DAAM1: variants seen among roughly 807,000 people sequenced by gnomAD.
The protein encoded by DAAM1 is disheveled-associated activator of morphogenesis 1.
Under a neutral mutation model 130.0 loss-of-function variants are expected in DAAM1, and 52 were observed. That is an observed-to-expected ratio of 0.40 (90% CI 0.32 to 0.50). The LOEUF is 0.50. DAAM1 is among the 20% of genes least tolerant of loss of function. The pLI, the probability that DAAM1 is intolerant of heterozygous loss-of-function variation, is 0.61. For missense variants in DAAM1, 1,134 were observed against 1,303.8 expected (o/e 0.87, Z 2.01); for synonymous variants, 452 against 444.5 (o/e 1.02, Z -0.21).
intron 1 of DAAM1, among the ~76,000 whole-genome samples, chr14:59,207,456 C>G (rs1406056694): frequency 6.6e-6 from 1 of 152,140 alleles, no homozygotes; most frequent in Non-Finnish European, 1.5e-5. Flanking sequence ...AGAGATTTTA[C>G]TGTGTAATAT....
rs201882818 is a variant in DAAM1, at chr14:59,326,090, G to T, written c.1174+13G>T. ...CTCCAAATGCCTTGTAAGTGTGTTC[G>T]TGACTCACATGTGTGCTTCTGAATG... is the stretch of plus-strand genomic sequence containing the variant. On this transcript the variant is annotated intron_variant, in intron 10 of 24. Transcript: ENST00000360909. The T allele has an allele frequency of 3.6e-4, 571 of 1,607,562 alleles. 1 individual carries two copies. The highest frequency in any genetic ancestry group is 4.6e-4 in the Non-Finnish European group (541 of 1,174,156).
chr14:59,193,910 T>C (rs908847211), intron 1 of DAAM1, among the ~76,000 whole-genome samples: 3 of 152,306 alleles, frequency 2.0e-5, no homozygotes, highest in East Asian at 1.9e-4. Context: ...GATACCGATA[T>C]TGTATGTGAG....
chr14:59,277,908 C>T (rs376731170), intron 2 of DAAM1, among the ~76,000 whole-genome samples: 52 of 152,208 alleles, frequency 3.4e-4, no homozygotes, highest in African/African-American at 1.1e-3. Flanking sequence ...GGGGATATGG[C>T]CCATCTAAAA....
intron 1 of DAAM1, among the ~76,000 whole-genome samples, chr14:59,262,658 G>A (rs1882226006): frequency 5.3e-5 from 2 of 38,030 alleles, no homozygotes; most frequent in South Asian, 1.4e-3. Context: ...CTATTAGTGT[G>A]TGTGTGTGTG....
At chr14:59,368,628 G>A in intron 24 of DAAM1, 22 bp from the exon 25 acceptor site, 1 of 1,604,344 alleles carries the variant, frequency 6.2e-7, no homozygotes, top group African/African-American at 1.3e-5. Flanking sequence ...GTCTCAAAGA[G>A]GTTATTTCTT....
chr14:59,284,128 C>G (rs1883342470), intron 2 of DAAM1, among the ~76,000 whole-genome samples: 1 of 152,072 alleles, frequency 6.6e-6, no homozygotes, highest in Non-Finnish European at 1.5e-5. Context: ...AGAACCACTT[C>G]TTTAGGAGAA....
intron 20 of DAAM1, among the ~76,000 whole-genome samples, chr14:59,355,725 C>T (rs1322788685): frequency 6.6e-6 from 1 of 152,128 alleles, no homozygotes; most frequent in Non-Finnish European, 1.5e-5. Flanking sequence ...AACACACCTG[C>T]ATAACCAGCG....
intron 2 of DAAM1, among the ~76,000 whole-genome samples, chr14:59,282,106 G>C (rs965590): frequency 0.23 from 34,824 of 151,924 alleles, 4,815 homozygotes; most frequent in African/African-American, 0.38. Flanking sequence ...ATTTCCTGGG[G>C]AAAGCCTTCA....
chr14:59,367,800 A>G (rs1057150936), intron 24 of DAAM1, among the ~76,000 whole-genome samples: 1 of 152,096 alleles, frequency 6.6e-6, no homozygotes, highest in African/African-American at 2.4e-5. Flanking sequence ...AAAAAAATCT[A>G]TCCACATCCT....
intron 1 of DAAM1, among the ~76,000 whole-genome samples, chr14:59,205,557 A>T (rs1888232135): frequency 6.6e-6 from 1 of 152,220 alleles, no homozygotes; most frequent in African/African-American, 2.4e-5. Flanking sequence ...AAATGACCAG[A>T]TTTAAAAATT....
chr14:59,359,112 A>T (rs545557478), intron 20 of DAAM1: 89 of 228,854 alleles, frequency 3.9e-4, no homozygotes, highest in Non-Finnish European at 7.2e-4. Context: ...AAAGATGCTC[A>T]TTATGGGCCA....
chr14:59,207,508 A>G (rs1306298332), intron 1 of DAAM1, among the ~76,000 whole-genome samples: 1 of 152,220 alleles, frequency 6.6e-6, no homozygotes, highest in Non-Finnish European at 1.5e-5. Context: ...CTTTAAAACT[A>G]TTAATTTCAT....
At chr14:59,189,947 C>G (rs1887679141) in intron 1 of DAAM1, among the ~76,000 whole-genome samples, 1 of 152,160 alleles carries the variant, frequency 6.6e-6, no homozygotes. Context: ...CAAATGCCAC[C>G]GTGACCGTTT....
At chr14:59,367,291 G>C (rs1886956055) in intron 23 of DAAM1, 138 bp from the exon 24 acceptor site, 1 of 1,371,664 alleles carries the variant, frequency 7.3e-7, no homozygotes, top group Non-Finnish European at 9.5e-7. Flanking sequence ...ATCTCCAAAA[G>C]AAAGAAAGAA....
At chr14:59,280,535 CTTTTTTTT>C (rs35354608) in intron 2 of DAAM1, among the ~76,000 whole-genome samples, 3 of 90,656 alleles carry the variant, frequency 3.3e-5, no homozygotes, top group Non-Finnish European at 2.0e-5. Flanking sequence ...GCACACCTTC[CTTTTTTTT>C]TTTTTTTTTT....
chr14:59,255,405 C>A (rs1881833182), intron 1 of DAAM1, among the ~76,000 whole-genome samples: 1 of 152,000 alleles, frequency 6.6e-6, no homozygotes, highest in Non-Finnish European at 1.5e-5. Flanking sequence ...TTTTAAGCTC[C>A]AAATAGTATT....
intron 15 of DAAM1, among the ~76,000 whole-genome samples, chr14:59,335,617 T>C (rs1277869290): frequency 6.6e-6 from 1 of 152,170 alleles, no homozygotes; most frequent in African/African-American, 2.4e-5. Flanking sequence ...CATATCTCTG[T>C]AGCAACAAAT....
chr14:59,263,952 C>T (rs899425383), intron 2 of DAAM1: 3 of 451,288 alleles, frequency 6.6e-6, no homozygotes, highest in African/African-American at 6.0e-5. Flanking sequence ...AGTTGCCCTT[C>T]CTAATTTGTC....
chr14:59,356,483 C>T (rs143320279), intron 20 of DAAM1, among the ~76,000 whole-genome samples: 1 of 152,322 alleles, frequency 6.6e-6, no homozygotes, highest in African/African-American at 2.4e-5. Context: ...ACTGTTGTCA[C>T]CTGTTGTCAG....
Sources: allele counts gnomAD v4.1 joint callset (sites outside exome capture counted in the v4.1 genomes callset), GRCh38; gene constraint gnomAD v4.1.1; transcripts MANE v1.5; gene names NCBI Gene and HGNC (gene_info 2026-07-23, HGNC 2026-07-21).